Variants in TRPM3 observed in about 807,000 individuals in gnomAD.
TRPM3 encodes long transient receptor potential channel 3.
Under a neutral mutation model 181.2 loss-of-function variants are expected in TRPM3, and 77 were observed. The ratio of observed to expected loss-of-function variants is 0.42; its 90% confidence interval spans 0.35 to 0.51. TRPM3 has a LOEUF of 0.51. Ranked by LOEUF, TRPM3 falls within the 20% of genes least tolerant of loss-of-function variation. The probability of loss-of-function intolerance (pLI) is 0.01; values close to 1 mark genes in which losing one functional copy is unlikely to be tolerated. For missense variants in TRPM3, 1,759 were observed against 2,196.7 expected (o/e 0.80, Z 3.98); for synonymous variants, 745 against 796.4 (o/e 0.94, Z 1.09).
At chr9:71,432,646 C>A (rs961300200) in intron 1 of TRPM3, among the ~76,000 whole-genome samples, 1 of 151,964 alleles carries the variant, frequency 6.6e-6, no homozygotes, top group Non-Finnish European at 1.5e-5. Flanking sequence ...AAACTCATTT[C>A]TTTGTCACAA....
intron 8 of TRPM3, among the ~76,000 whole-genome samples, chr9:70,744,329 C>CA (rs11408759): frequency 0.96 from 137,788 of 142,794 alleles, 66,579 homozygotes; most frequent in Non-Finnish European, 0.99. Context: ...ATCTCTGTCT[C>CA]AAAAAAAAAA....
intron 1 of TRPM3, among the ~76,000 whole-genome samples, chr9:71,255,667 C>A (rs966535250): frequency 2.0e-5 from 3 of 152,056 alleles, no homozygotes; most frequent in African/African-American, 7.2e-5. Context: ...GTTCTTAAAC[C>A]TGAGCAAAAA....
chr9:70,694,364 C>A lies in TRPM3; in HGVS notation c.1273-12786G>T, dbSNP rs529515476. Reference sequence around the variant, plus strand: ...AAGCCATAGATTTTCTTTCCTCAGGCTCAGAATGGTAGAAAATCAGCATTA... The same window carrying A: ...AAGCCATAGATTTTCTTTCCTCAGGATCAGAATGGTAGAAAATCAGCATTA... On this transcript the variant is annotated intron_variant, in intron 8 of 25. Coordinates refer to ENST00000677713, the MANE Select transcript of TRPM3 (RefSeq NM_001366145.2). Among the ~76,000 whole-genome samples, 19 of 152,302 alleles carry A rather than the reference C, an allele frequency of 1.2e-4. No individual in the cohort carries two copies. In the South Asian group the frequency reaches 3.9e-3, roughly 32 times the overall value.
At chr9:70,639,855 G>C (rs1220860079) in intron 10 of TRPM3, among the ~76,000 whole-genome samples, 1 of 152,088 alleles carries the variant, frequency 6.6e-6, no homozygotes, top group Admixed American at 6.6e-5. Context: ...ATGAAGACAG[G>C]GGCTCCATCC....
chr9:70,766,326 C>A (rs1265797656), intron 7 of TRPM3, among the ~76,000 whole-genome samples: 5 of 152,064 alleles, frequency 3.3e-5, no homozygotes, highest in African/African-American at 1.2e-4. Flanking sequence ...CTGCAAATTA[C>A]CTGCAATATT....
At position 70,590,942 on chromosome 9, in the gene TRPM3, T is replaced by C. The variant is rs547381328; in HGVS notation, c.3223+89A>G. ...CAGTCCTCTATCTTGAGCCATTTAT[T>C]GAGAACAAACAAATGAACTTGGAAA... On this transcript the variant is annotated intron_variant, in intron 22 of 25. Transcript: ENST00000677713. 2.5e-4 allele frequency: 394 copies of C among 1,565,066 alleles called. 3 individuals are homozygous for C. In the South Asian group the frequency reaches 3.0e-3, roughly 12 times the overall value.
At chr9:71,237,092 G>C in intron 1 of TRPM3, among the ~76,000 whole-genome samples, 1 of 149,168 alleles carries the variant, frequency 6.7e-6, no homozygotes, top group Non-Finnish European at 1.5e-5. Flanking sequence ...GAAAGGGAAG[G>C]GGGATGGGGA....
chr9:70,536,495 A>G lies in TRPM3; in HGVS notation c.4618T>C (p.Ser1540Pro), dbSNP rs2041787560. ...CCAAAGTTGGCATAATAGCTCCTTG[A>G]GGGGGAAAACATAAAGCTATGAGAT... is the stretch of plus-strand genomic sequence containing the variant. Reference protein sequence around the residue: ...VKSHSFMFSPSRSYYANFGVP... With the variant: ...VKSHSFMFSPPRSYYANFGVP... The change falls in exon 26 of 26, where the codon TCA becomes CCA. Residue 1540 changes from serine (S) to proline (P), a missense_variant. Coordinates refer to ENST00000677713, the MANE Select transcript of TRPM3 (RefSeq NM_001366145.2). 1 of 1,613,974 alleles carries G rather than the reference A, an allele frequency of 6.2e-7. No homozygotes were observed. Among genetic ancestry groups the G allele is most frequent in the Admixed American group, 1.7e-5 (1 of 59,978 alleles).
rs191418848 is a variant in TRPM3 at position 70,696,832 on chromosome 9, G to A, written c.1273-15254C>T. Reference sequence around the variant, plus strand: ...ATTTATCAGAAATCTAATCCCCCCAGACCCTTCTCTGCCTGTAAGTCTACC... The same window carrying A: ...ATTTATCAGAAATCTAATCCCCCCAAACCCTTCTCTGCCTGTAAGTCTACC... On this transcript the variant is annotated intron_variant, in intron 8 of 25. Transcript: ENST00000677713. Among the ~76,000 whole-genome samples the A allele has an allele frequency of 2.0e-3, 306 of 152,146 alleles. 1 individual carries two copies. Among genetic ancestry groups the A allele is most frequent in the Non-Finnish European group, 3.5e-3 (235 of 68,014 alleles).
At chr9:71,228,450 A>G (rs939240157) in intron 1 of TRPM3, among the ~76,000 whole-genome samples, 3 of 152,318 alleles carry the variant, frequency 2.0e-5, no homozygotes, top group Non-Finnish European at 4.4e-5. Flanking sequence ...CTGTTATTCA[A>G]CATAGTACTA....
At chr9:70,810,971 T>G (rs1298668209) in intron 6 of TRPM3, among the ~76,000 whole-genome samples, 2 of 152,196 alleles carry the variant, frequency 1.3e-5, no homozygotes, top group African/African-American at 4.8e-5. Flanking sequence ...GCCGTCAAGC[T>G]GTCCTATATG....
chr9:70,977,340 T>C (rs1235470883), intron 1 of TRPM3, among the ~76,000 whole-genome samples: 2 of 152,204 alleles, frequency 1.3e-5, no homozygotes, highest in Non-Finnish European at 2.9e-5. Context: ...TTCACCGTGT[T>C]AGCCAGGATG....
intron 1 of TRPM3, among the ~76,000 whole-genome samples, chr9:71,165,905 C>T (rs922202482): frequency 6.6e-6 from 1 of 152,158 alleles, no homozygotes; most frequent in African/African-American, 2.4e-5. Flanking sequence ...GTAGTCTCCA[C>T]CCATTCGAAG....
At chr9:71,033,439 T>C (rs1282971152) in intron 1 of TRPM3, among the ~76,000 whole-genome samples, 2 of 152,210 alleles carry the variant, frequency 1.3e-5, no homozygotes. Flanking sequence ...GTTCCTATGG[T>C]ATATTTCTGG....
intron 1 of TRPM3, among the ~76,000 whole-genome samples, chr9:71,206,295 G>A (rs1271483733): frequency 6.6e-6 from 1 of 152,108 alleles, no homozygotes; most frequent in African/African-American, 2.4e-5. Flanking sequence ...GTTCTAACTG[G>A]TGTGAGATGG....
chr9:70,628,743 C>A (rs575025893), intron 12 of TRPM3, among the ~76,000 whole-genome samples: 1 of 143,188 alleles, frequency 7.0e-6, no homozygotes, highest in South Asian at 2.3e-4. Context: ...CGCTTGAACC[C>A]GGGAGGCAGA....
At chr9:71,319,155 T>C (rs929522243) in intron 1 of TRPM3, among the ~76,000 whole-genome samples, 3 of 152,154 alleles carry the variant, frequency 2.0e-5, no homozygotes, top group African/African-American at 7.2e-5. Flanking sequence ...CATGGTTATG[T>C]CCATAGTCAC....
intron 8 of TRPM3, among the ~76,000 whole-genome samples, chr9:70,692,683 A>T (rs1267815855): frequency 1.3e-5 from 2 of 152,222 alleles, no homozygotes; most frequent in Non-Finnish European, 2.9e-5. Context: ...TGCCAGAATG[A>T]GTTTAAGCTC....
chr9:71,329,708 C>A lies in TRPM3; in HGVS notation c.183+116945G>T, dbSNP rs1046232841. ...TATTATCTCTAAATTCTAGAGTTCT[C>A]CTCCTCTATATTCTTCCTGCATCCT... is the stretch of plus-strand genomic sequence containing the variant. On this transcript the variant is annotated intron_variant, in intron 1 of 24. Transcript: ENST00000357533. Among the ~76,000 whole-genome samples the A allele has an allele frequency of 5.9e-5, 9 of 152,090 alleles. No homozygotes were observed. The East Asian group carries it at 1.7e-3, about 29-fold the overall frequency.
Sources: allele counts gnomAD v4.1 joint callset (sites outside exome capture counted in the v4.1 genomes callset), GRCh38; gene constraint gnomAD v4.1.1; transcripts MANE v1.5; gene names NCBI Gene and HGNC (gene_info 2026-07-23, HGNC 2026-07-21).